AK5: variants seen among roughly 807,000 people sequenced by gnomAD.
AK5 encodes the protein adenylate kinase isoenzyme 5.
A neutral mutation model predicts 69.5 loss-of-function variants in AK5; 27 were observed. The ratio of observed to expected loss-of-function variants is 0.39; its 90% CI spans 0.29 to 0.54. AK5 has a LOEUF of 0.54. AK5 is among the 20% of genes least tolerant of loss of function. The pLI, the probability that AK5 is intolerant of heterozygous loss-of-function variation, is 0.71. For missense variants in AK5, 531 were observed against 700.4 expected (o/e 0.76, Z 2.73); for synonymous variants, 260 against 244.4 (o/e 1.06, Z -0.60).
At chr1:77,375,267 A>G (rs1305607279) in intron 6 of AK5, among the ~76,000 whole-genome samples, 1 of 152,170 alleles carries the variant, frequency 6.6e-6, no homozygotes, top group East Asian at 1.9e-4. Flanking sequence ...CAGGAATTAC[A>G]AAATAATTTT....
intron 13 of AK5, among the ~76,000 whole-genome samples, chr1:77,552,435 G>A (rs1659868631): frequency 6.6e-6 from 1 of 152,044 alleles, no homozygotes; most frequent in Non-Finnish European, 1.5e-5. Flanking sequence ...CAAATACTTG[G>A]GTTAAGACTG....
rs374394627 is a variant in AK5 at position 77,490,782 on chromosome 1, CTTTTTTTT to C, written c.1147+4438_1147+4445del. ...TTCTGGTACATTTCTTTCCTTTTTT[CTTTTTTTT>C]TTTTTTTAAATCTCTTGATCATTAT... is the stretch of plus-strand genomic sequence containing the variant. On this transcript the variant is annotated intron_variant, in intron 10 of 13. Transcript: ENST00000354567. 2.9e-5 allele frequency among the ~76,000 whole-genome samples: 4 copies of C among 139,954 alleles called. 1 individual carries two copies. Among genetic ancestry groups the C allele is most frequent in the African/African-American group, 1.0e-4 (4 of 38,244 alleles). The allele number at this position is 139,954 out of a possible 152,430, so 91.8% of individuals were successfully genotyped here.
chr1:77,282,044 G>A lies in AK5; in HGVS notation c.-270G>A, dbSNP rs1462817919. On this transcript the variant is annotated 5_prime_UTR_variant, in exon 1 of 14. Transcript: ENST00000354567. ...GGCGGCCGCGCTGCCTGGCAGCCCG[G>A]GAAGCCGCGGCACAGCTGCTCGGCG... 2 of 333,936 alleles carry A rather than the reference G, an allele frequency of 6.0e-6. No individual in the cohort carries two copies. The highest frequency in any genetic ancestry group is 1.1e-5 in the Non-Finnish European group (2 of 184,524). The allele number at this position is 333,936 out of a possible 1,614,324, so 20.7% of individuals were successfully genotyped here. A position where few individuals can be genotyped will look rare whatever the true frequency, so the allele number is the denominator to read the frequency against.
rs1378709715 is a variant in AK5, at chr1:77,343,037, T to A, written c.891+2469T>A. ...TCACTATATAGTAAGCTCCAGGAAA[T>A]GAACAGAGCTTGCAGTGTGTGGAGA... On this transcript the variant is annotated intron_variant, in intron 6 of 13. Coordinates refer to ENST00000354567, the MANE Select transcript of AK5 (RefSeq NM_174858.3). 2.6e-5 allele frequency among the ~76,000 whole-genome samples: 4 copies of A among 152,130 alleles called. No individual in the cohort carries two copies. In the East Asian group the frequency reaches 7.7e-4, roughly 29 times the overall value.
chr1:77,473,427 T>TCTAAGAATCTC (rs370239792), intron 8 of AK5, among the ~76,000 whole-genome samples: 254 of 152,158 alleles, frequency 1.7e-3, no homozygotes, highest in African/African-American at 5.9e-3. Context: ...TCCTACACGG[T>TCTAAGAATCTC]CTAAGAATCT....
At chr1:77,336,256 A>G (rs1415031354) in intron 5 of AK5, among the ~76,000 whole-genome samples, 3 of 151,784 alleles carry the variant, frequency 2.0e-5, no homozygotes, top group African/African-American at 7.3e-5. Flanking sequence ...TACTTTTTGT[A>G]TTTTTAGTGG....
At chr1:77,487,315 G>A (rs1477331450) in intron 10 of AK5, among the ~76,000 whole-genome samples, 6 of 152,026 alleles carry the variant, frequency 3.9e-5, no homozygotes, top group African/African-American at 1.4e-4. Context: ...AGTGTGTGAG[G>A]GCCAGATTTC....
At chr1:77,409,652 A>T (rs896179504) in intron 6 of AK5, among the ~76,000 whole-genome samples, 12 of 152,168 alleles carry the variant, frequency 7.9e-5, no homozygotes, top group African/African-American at 2.4e-4. Flanking sequence ...CCTTTGTCAG[A>T]TGCATAGTTT....
At chr1:77,286,847 A>G (rs2100640559) in intron 1 of AK5, 94 bp from the exon 2 acceptor site, 1 of 850,796 alleles carries the variant, frequency 1.2e-6, no homozygotes, top group Non-Finnish European at 1.6e-6. Flanking sequence ...ACTCTATTTC[A>G]AAAAAATTAA....
At chr1:77,490,017 C>T (rs2100735072) in intron 10 of AK5, among the ~76,000 whole-genome samples, 1 of 152,326 alleles carries the variant, frequency 6.6e-6, no homozygotes, top group East Asian at 1.9e-4. Context: ...CCTCTGCGCT[C>T]CTCCTCCCTT....
rs374286810 is a variant in AK5, at chr1:77,446,086, C to G, written c.1059+28371C>G. ...CAGTCTTACTTTTGGGTCTCTTATC[C>G]ATTTTGAGTTGAGTTTTGTATCTGG... On this transcript the variant is annotated intron_variant, in intron 8 of 13. Coordinates refer to ENST00000354567, the MANE Select transcript of AK5 (RefSeq NM_174858.3). 2.0e-5 allele frequency among the ~76,000 whole-genome samples: 3 copies of G among 152,178 alleles called. No homozygotes were observed. The South Asian group carries it at 6.2e-4, about 32-fold the overall frequency.
intron 12 of AK5, among the ~76,000 whole-genome samples, chr1:77,533,228 A>T (rs1358412384): frequency 1.3e-5 from 2 of 151,904 alleles, no homozygotes; most frequent in Admixed American, 1.3e-4. Flanking sequence ...TAAGATGCAG[A>T]CTCTAGGCTG....
intron 1 of AK5, 72 bp from the exon 2 acceptor site, chr1:77,286,867 TTA>T (rs1178789228): frequency 1.8e-5 from 17 of 946,398 alleles, no homozygotes; most frequent in African/African-American, 1.7e-4. Context: ...ATTAATTAAA[TTA>T]AATTAAATTA....
chr1:77,314,534 A>G (rs919471261), intron 5 of AK5: 7 of 152,658 alleles, frequency 4.6e-5, no homozygotes, highest in African/African-American at 1.7e-4. Flanking sequence ...ACACAATCAT[A>G]TATTTATGGA....
chr1:77,353,432 C>A (rs1207923178), intron 6 of AK5, among the ~76,000 whole-genome samples: 1 of 152,070 alleles, frequency 6.6e-6, no homozygotes, highest in African/African-American at 2.4e-5. Flanking sequence ...GAGCCAAAAT[C>A]GTGCCACTGT....
At chr1:77,452,036 G>A (rs761545661) in intron 8 of AK5, among the ~76,000 whole-genome samples, 23 of 152,114 alleles carry the variant, frequency 1.5e-4, no homozygotes, top group Non-Finnish European at 2.2e-4. Context: ...CATATCTTTC[G>A]GTTCAGGGAA....
chr1:77,494,055 A>G (rs1247083279), intron 10 of AK5, among the ~76,000 whole-genome samples: 4 of 152,236 alleles, frequency 2.6e-5, no homozygotes, highest in South Asian at 2.1e-4. Context: ...ACTGCATGAC[A>G]TGGCAGGAAT....
chr1:77,499,657 A>C (rs1459296760), intron 10 of AK5, among the ~76,000 whole-genome samples: 1 of 152,074 alleles, frequency 6.6e-6, no homozygotes, highest in East Asian at 1.9e-4. Flanking sequence ...TGAGGCAAGC[A>C]CTGAGACTGC....
chr1:77,545,183 CTTA>C (rs536050246), intron 13 of AK5, among the ~76,000 whole-genome samples: 2 of 152,276 alleles, frequency 1.3e-5, no homozygotes, highest in East Asian at 3.9e-4. Context: ...ATGTGAACAG[CTTA>C]TTGTGTATCC....
Sources: allele counts gnomAD v4.1 joint callset (sites outside exome capture counted in the v4.1 genomes callset), GRCh38; gene constraint gnomAD v4.1.1; transcripts MANE v1.5; gene names NCBI Gene and HGNC (gene_info 2026-07-23, HGNC 2026-07-21).